MVB12A: variants seen among roughly 807,000 people sequenced by gnomAD.
MVB12A encodes CIN85/CD2AP family binding protein.
MVB12A carries 30 observed loss-of-function variants against 34.3 expected under a neutral mutation model. That is an observed-to-expected ratio of 0.88 (90% CI 0.65 to 1.19). The LOEUF (loss-of-function observed/expected upper bound fraction) is 1.19. MVB12A is among the 50% of genes most tolerant of loss of function. The pLI is 0.00. For synonymous variants in MVB12A, 158 were observed against 158.9 expected, an observed-to-expected ratio of 0.99 and a Z score of 0.04; for missense variants, 355 against 369.2, an observed-to-expected ratio of 0.96 and a Z score of 0.31.
At chr19:17,423,393 A>C in intron 4 of MVB12A, 105 bp from the exon 5 acceptor site, 1 of 1,374,642 alleles carries the variant, frequency 7.3e-7, no homozygotes, top group Non-Finnish European at 9.8e-7. Context: ...CCCCCAAAAG[A>C]CAGAGGTCAC....
In MVB12A at chr19:17,410,328, G is replaced by A. The variant is rs148636946; in HGVS notation, c.-5+4032G>A. ...TGGGACTATATGTGTGCACCACCAC[G>A]CCCAGCTAATTTTTTATTTTTTGTA... On this transcript the variant is annotated intron_variant, in intron 2 of 6. Coordinates refer to the MVB12A transcript ENST00000528604. Among the ~76,000 whole-genome samples, 612 of 150,042 alleles carry A rather than the reference G, an allele frequency of 4.1e-3. 5 individuals carry two copies. The highest frequency in any genetic ancestry group is 0.014 in the African/African-American group (582 of 40,724).
intron 3 of MVB12A, chr19:17,420,842 C>T: frequency 1.5e-6 from 1 of 652,632 alleles, no homozygotes; most frequent in Non-Finnish European, 2.8e-6. Flanking sequence ...TTGGCACAGC[C>T]TGCATCCTCG....
In MVB12A at chr19:17,422,467, AC is replaced by A; in HGVS notation, c.413+15del. 5 of 1,597,852 alleles carry A rather than the reference AC, an allele frequency of 3.1e-6. No homozygotes were observed. The highest frequency in any genetic ancestry group is 2.3e-5 in the East Asian group (1 of 44,298). ...GGATACCTTCGAATAGGGTAGGGCC[AC>A]CCCCCAGTGTCTAGCCACCTTCCCT... On this transcript the variant is annotated intron_variant, in intron 4 of 8. Coordinates refer to ENST00000317040, the MANE Select transcript of MVB12A (RefSeq NM_138401.4).
intron 2 of MVB12A, among the ~76,000 whole-genome samples, chr19:17,413,946 G>T (rs183400214): frequency 2.4e-4 from 36 of 152,272 alleles, no homozygotes; most frequent in Non-Finnish European, 3.1e-4. Flanking sequence ...CTGGGTCCAA[G>T]GGGATGCCTA....
In MVB12A at chr19:17,422,338, C is replaced by G. The variant is rs770396565; in HGVS notation, c.293C>G (p.Ser98Cys). The change falls in exon 4 of 9, where the codon TCT becomes TGT. Residue 98 changes from serine (S) to cysteine (C), a missense_variant. Physicochemically the swap from Ser to Cys is moderately radical, Grantham distance 112. Transcript: ENST00000317040. ...PVCDPMDSKA[S>C]VSKKKRMCVK... ...CCCTACCCCCCACTCCCAGAGGCCTCTGTGTCCAAGAAGAAACGCATGTGT... is the reference window on the plus strand; with the variant it reads ...CCCTACCCCCCACTCCCAGAGGCCTGTGTGTCCAAGAAGAAACGCATGTGT... 1.9e-6 allele frequency: 3 copies of G among 1,612,074 alleles called. No individual in the cohort carries two copies. Among genetic ancestry groups the G allele is most frequent in the South Asian group, 2.2e-5 (2 of 90,868 alleles).
chr19:17,420,015 GC>G (rs201855095), upstream of MVB12A: 47,270 of 221,636 alleles, frequency 0.21, 5,004 homozygotes, highest in Non-Finnish European at 0.23. Context: ...GGCAATCTCC[GC>G]CCCCCCCCCC....
In MVB12A at chr19:17,410,607, C is replaced by CGT. The variant is rs1555734746; in HGVS notation, c.-5+4311_-5+4312insGT. ...ATATATACACACATATATATATACA[C>CGT]ATATATATATATAATTATTATTATT... On this transcript the variant is annotated intron_variant, in intron 2 of 6. Transcript: ENST00000528604. 3.0e-3 allele frequency among the ~76,000 whole-genome samples: 410 copies of CGT among 135,590 alleles called. 5 individuals are homozygous for CGT. The highest frequency in any genetic ancestry group is 0.011 in the African/African-American group (386 of 35,618). 89.0% of individuals were successfully genotyped at this position (135,590 alleles called of 152,430 possible).
intron 2 of MVB12A, among the ~76,000 whole-genome samples, chr19:17,409,820 C>T (rs146936797): frequency 0.02 from 3,090 of 151,600 alleles, 107 homozygotes; most frequent in African/African-American, 0.065. Context: ...GGCACGATCT[C>T]GTCTCACTGC....
At chr19:17,423,127 C>T (rs1029657307) in intron 4 of MVB12A, among the ~76,000 whole-genome samples, 7 of 143,610 alleles carry the variant, frequency 4.9e-5, no homozygotes, top group African/African-American at 1.0e-4. Flanking sequence ...CCAAGGCGGG[C>T]GGATCACCTG....
upstream of MVB12A, chr19:17,417,876 C>CTCTG (rs1202485014): frequency 6.3e-6 from 2 of 316,582 alleles, no homozygotes; most frequent in South Asian, 5.8e-5. Context: ...TGACAGGGAC[C>CTCTG]TCTGGGTTTT....
chr19:17,420,733 C>G (rs2074833638), intron 3 of MVB12A, 99 bp downstream of exon 3: 2 of 789,466 alleles, frequency 2.5e-6, no homozygotes, highest in African/African-American at 3.4e-5. Flanking sequence ...CTCGGCTGCC[C>G]CCTGGCACAC....
intron 2 of MVB12A, among the ~76,000 whole-genome samples, chr19:17,412,838 T>C (rs2074777296): frequency 6.6e-6 from 1 of 152,192 alleles, no homozygotes; most frequent in Non-Finnish European, 1.5e-5. Context: ...GGTGGAGGGC[T>C]GATGGATGTC....
rs146411653 is a variant in MVB12A at position 17,422,780 on chromosome 19, C to T, written c.413+322C>T. On this transcript the variant is annotated intron_variant, in intron 4 of 8. Transcript: ENST00000317040. The stretch of plus-strand genomic sequence containing the variant: ...CCTGACTAACATGTTGAAACCCCAT[C>T]TCTACTGAAAATACAAAAAATTAGC... 4.2e-3 allele frequency: 676 copies of T among 160,094 alleles called. 2 individuals carry two copies. The highest frequency in any genetic ancestry group is 0.014 in the African/African-American group (600 of 41,666). The allele number at this position is 160,094 out of a possible 1,614,324, so 9.9% of individuals were successfully genotyped here.
At chr19:17,420,740 A>G (rs2074833741) in intron 3 of MVB12A, 106 bp downstream of exon 3, 2 of 749,854 alleles carry the variant, frequency 2.7e-6, no homozygotes, top group Admixed American at 2.2e-5. Context: ...GCCCCCTGGC[A>G]CACGGGGTGA....
rs1220350813 is a variant in MVB12A, at chr19:17,420,546, G to A, written c.198G>A (p.Gln66=). ...LSSLGSLENP[Q]ENVVADIQIV... The stretch of plus-strand genomic sequence containing the variant: ...CCCCCTTCCACCCCCAGAACCCGCA[G>A]GAGAACGTGGTGGCCGATATCCAGA... Residue 66 remains glutamine (Q), a synonymous_variant, in exon 3 of 9, where the codon CAG becomes CAA. Coordinates refer to ENST00000317040, the MANE Select transcript of MVB12A (RefSeq NM_138401.4). The A allele has an allele frequency of 6.2e-7, 1 of 1,613,828 alleles. No homozygotes were observed. Among genetic ancestry groups the A allele is most frequent in the East Asian group, 2.2e-5 (1 of 44,868 alleles).
chr19:17,423,359 CCAAAAAA>C, intron 4 of MVB12A, 132 bp from the exon 5 acceptor site: 1 of 1,052,012 alleles, frequency 9.5e-7, no homozygotes, highest in South Asian at 1.7e-5. Context: ...AACTCCGTCC[CCAAAAAA>C]AAAAAAAAAA....
intron 2 of MVB12A, among the ~76,000 whole-genome samples, chr19:17,409,609 C>T (rs1278604404): frequency 2.0e-5 from 3 of 151,062 alleles, no homozygotes; most frequent in Admixed American, 6.6e-5. Context: ...CCACCATGCC[C>T]GGCTAATTTT....
intron 2 of MVB12A, 58 bp from the exon 3 acceptor site, chr19:17,420,480 G>C: frequency 1.3e-6 from 2 of 1,588,674 alleles, no homozygotes; most frequent in Non-Finnish European, 1.7e-6. Flanking sequence ...GGTGCCCTAT[G>C]CCAGGTGCGC....
At chr19:17,421,144 A>G in intron 3 of MVB12A, 1 of 436,634 alleles carries the variant, frequency 2.3e-6, no homozygotes, top group South Asian at 1.6e-5. Context: ...TTTTTATTTG[A>G]CTCAGGCTAT....
Sources: gnomAD v4.1 joint callset for allele counts (sites outside exome capture counted in the v4.1 genomes callset) on GRCh38, gnomAD v4.1.1 for gene constraint, MANE v1.5 for transcripts, NCBI Gene and HGNC (gene_info 2026-07-23, HGNC 2026-07-21) for gene names.